Variants in ARNT observed in about 807,000 individuals in gnomAD.
ARNT encodes the protein aryl hydrocarbon receptor nuclear translocator, also known as class E basic helix-loop-helix protein 2.
ARNT carries 30 observed loss-of-function variants against 105.0 expected under a neutral mutation model. The observed-to-expected ratio is 0.29, with a 90% CI of 0.21 to 0.39. The LOEUF is 0.39. Among genes scored for constraint, ARNT ranks in the 10% least tolerant of loss-of-function variants. The pLI, the probability that ARNT is intolerant of heterozygous loss-of-function variation, is 1.00. For synonymous variants in ARNT, 304 were observed against 344.0 expected (o/e 0.88, Z 1.29); for missense variants, 748 against 978.7 (o/e 0.76, Z 3.15).
intron 19 of ARNT, among the ~76,000 whole-genome samples, chr1:150,815,980 C>G (rs1199205470): frequency 6.6e-6 from 1 of 152,012 alleles, no homozygotes; most frequent in Non-Finnish European, 1.5e-5. Flanking sequence ...GAGGAAACAT[C>G]TTAGAATTTA....
intron 5 of ARNT, among the ~76,000 whole-genome samples, chr1:150,841,167 T>C (rs1288063372): frequency 6.6e-6 from 1 of 151,004 alleles, no homozygotes; most frequent in East Asian, 1.9e-4. Flanking sequence ...GGCCAGGATA[T>C]TCTCCATCTC....
intron 20 of ARNT, 61 bp from the exon 21 acceptor site, chr1:150,813,399 T>TG: frequency 6.7e-7 from 1 of 1,486,216 alleles, no homozygotes. Flanking sequence ...TGTGTACTAA[T>TG]GCCACAAGTA....
At position 150,811,917 on chromosome 1, in the gene ARNT, G is replaced by T; in HGVS notation, c.*104C>A. On this transcript the variant is annotated 3_prime_UTR_variant, in exon 22 of 22. Coordinates refer to ENST00000358595, the MANE Select transcript of ARNT (RefSeq NM_001668.4). ...AAGGGGGTACATGTCAGGGGTGAGG[G>T]AAGGGAAGGGAGAGGAACTTTTATT... The T allele has an allele frequency of 1.2e-6, 1 of 807,432 alleles. No homozygotes were observed. Among genetic ancestry groups the T allele is most frequent in the Non-Finnish European group, 1.8e-6 (1 of 558,554 alleles). The allele number at this position is 807,432 out of a possible 1,614,324, so 50.0% of individuals were successfully genotyped here. A position where few individuals can be genotyped will look rare whatever the true frequency, so the allele number is the denominator to read the frequency against.
rs587640379 is a variant in ARNT, at chr1:150,823,924, C to T, written c.1243-579G>A. Among the ~76,000 whole-genome samples, 9 of 151,060 alleles carry T rather than the reference C, an allele frequency of 6.0e-5. No homozygotes were observed. The South Asian group carries it at 1.7e-3, about 28-fold the overall frequency. On this transcript the variant is annotated intron_variant, in intron 13 of 21. Coordinates refer to ENST00000358595, the MANE Select transcript of ARNT (RefSeq NM_001668.4). ...GTGGCGCAATCTCGGCTCACTACAA[C>T]CTCCGACTCCCTGGTTCAAGCGATT... is the stretch of plus-strand genomic sequence containing the variant.
chr1:150,833,507 T>A (rs1032183652), intron 8 of ARNT, among the ~76,000 whole-genome samples: 1 of 151,810 alleles, frequency 6.6e-6, no homozygotes, highest in Non-Finnish European at 1.5e-5. Flanking sequence ...AATAAATAAA[T>A]AAAAATAAAA....
chr1:150,863,273 A>G (rs1665979061), intron 1 of ARNT, among the ~76,000 whole-genome samples: 1 of 151,500 alleles, frequency 6.6e-6, no homozygotes, highest in Non-Finnish European at 1.5e-5. Context: ...GAGGCATGAG[A>G]ATCGCCTGGG....
At position 150,813,396 on chromosome 1, in the gene ARNT, TA is replaced by T. The variant is rs587695675; in HGVS notation, c.2114-59del. The T allele has an allele frequency of 7.5e-5, 111 of 1,482,836 alleles. 1 individual carries two copies. The East Asian group carries it at 2.3e-3, about 31-fold the overall frequency. The allele number at this position is 1,482,836 out of a possible 1,614,324, so 91.9% of individuals were successfully genotyped here. A position where few individuals can be genotyped will look rare whatever the true frequency, so the allele number is the denominator to read the frequency against. Reference sequence around the variant, plus strand: ...CAATCTACACAATTCCATTGTGTACTAATGCCACAAGTAAACAACTATAGGT... The same window carrying T: ...CAATCTACACAATTCCATTGTGTACTATGCCACAAGTAAACAACTATAGGT... On this transcript the variant is annotated intron_variant, in intron 20 of 21. Transcript: ENST00000358595.
chr1:150,841,309 C>A lies in ARNT; in HGVS notation c.272+1115G>T, dbSNP rs376856896. ...TAAGAATTCTACTTGAACAAAAGTTCTTTGTCCAAAAAAAAAAGAAAGTAA... is the reference window on the plus strand; with the variant it reads ...TAAGAATTCTACTTGAACAAAAGTTATTTGTCCAAAAAAAAAAGAAAGTAA... On this transcript the variant is annotated intron_variant, in intron 5 of 21. Transcript: ENST00000358595. 3.0e-3 allele frequency among the ~76,000 whole-genome samples: 454 copies of A among 151,056 alleles called. 24 individuals are homozygous for A. The South Asian group carries it at 0.092, about 31-fold the overall frequency.
intron 3 of ARNT, among the ~76,000 whole-genome samples, chr1:150,851,040 T>C (rs1465751969): frequency 1.5e-4 from 21 of 143,254 alleles, no homozygotes; most frequent in Admixed American, 4.8e-4. Flanking sequence ...GAGGAGCCCC[T>C]CCGCCCGGCA....
At chr1:150,824,284 G>A (rs1378934976) in intron 13 of ARNT, among the ~76,000 whole-genome samples, 1 of 151,680 alleles carries the variant, frequency 6.6e-6, no homozygotes, top group Non-Finnish European at 1.5e-5. Flanking sequence ...TTCCAGGAAG[G>A]AAAAGACTGT....
intron 3 of ARNT, among the ~76,000 whole-genome samples, chr1:150,847,896 C>G (rs1662543832): frequency 1.3e-5 from 2 of 152,060 alleles, no homozygotes; most frequent in Admixed American, 6.5e-5. Flanking sequence ...TTGTTGTTTT[C>G]AAGAGTATTT....
chr1:150,820,354 G>C (rs1215211469), intron 14 of ARNT, among the ~76,000 whole-genome samples: 1 of 152,180 alleles, frequency 6.6e-6, no homozygotes, highest in African/African-American at 2.4e-5. Context: ...CCTAGTCTCT[G>C]AATTATTGTT....
At chr1:150,834,482 A>G in intron 8 of ARNT, 56 bp downstream of exon 8, 1 of 1,543,772 alleles carries the variant, frequency 6.5e-7, no homozygotes, top group Non-Finnish European at 8.9e-7. Flanking sequence ...CAGAAATAAA[A>G]CTCTCAGCTC....
rs1425562637 is a variant in ARNT, at chr1:150,836,468, G to A, written c.512C>T (p.Ala171Val). 6.2e-7 allele frequency: 1 copy of A among 1,614,120 alleles called. No homozygotes were observed. Among genetic ancestry groups the A allele is most frequent in the African/African-American group, 1.3e-5 (1 of 75,030 alleles). The change falls in exon 7 of 22, where the codon GCA becomes GTA. Residue 171 changes from alanine to valine, a missense_variant. Physicochemically the swap from Ala to Val is moderately conservative, Grantham distance 64. Transcript: ENST00000358595. ...GACAATAAACAGAAAGCCATCTGCT[G>A]CCTCCAAGATCAAATGTTTCAGTTC... Reference protein sequence around the residue: ...DQELKHLILEAADGFLFIVSC... With the variant: ...DQELKHLILEVADGFLFIVSC...
intron 1 of ARNT, among the ~76,000 whole-genome samples, 179 bp from the exon 2 acceptor site, chr1:150,858,639 C>T (rs1665055911): frequency 6.8e-6 from 1 of 148,020 alleles, no homozygotes; most frequent in Non-Finnish European, 1.5e-5. Context: ...TTTTTGAGAC[C>T]AGGTCTCACT....
At chr1:150,875,276 AT>A (rs1281621175) in intron 1 of ARNT, among the ~76,000 whole-genome samples, 6 of 152,170 alleles carry the variant, frequency 3.9e-5, no homozygotes, top group Non-Finnish European at 1.5e-5. Context: ...AATTTAAAAG[AT>A]TAAAAAAAAA....
intron 2 of ARNT, among the ~76,000 whole-genome samples, chr1:150,855,935 A>T (rs1664524325): frequency 6.6e-6 from 1 of 151,818 alleles, no homozygotes; most frequent in Non-Finnish European, 1.5e-5. Context: ...ATTGCTTATT[A>T]TTTATATAAG....
chr1:150,844,377 C>T (rs1322488836), intron 4 of ARNT, among the ~76,000 whole-genome samples: 5 of 152,144 alleles, frequency 3.3e-5, no homozygotes, highest in African/African-American at 1.2e-4. Flanking sequence ...TCTATAACTG[C>T]TACCAGAGAA....
chr1:150,860,062 A>G (rs1660796611), intron 1 of ARNT, among the ~76,000 whole-genome samples: 1 of 151,902 alleles, frequency 6.6e-6, no homozygotes, highest in Admixed American at 6.6e-5. Context: ...CTGATCTTCA[A>G]CTTGCTCGTC....
Sources: allele counts gnomAD v4.1 joint callset (sites outside exome capture counted in the v4.1 genomes callset), GRCh38; gene constraint gnomAD v4.1.1; transcripts MANE v1.5; gene names NCBI Gene and HGNC (gene_info 2026-07-23, HGNC 2026-07-21).